The following ATRNL1 variants were observed in gnomAD, a reference collection of about 807,000 sequenced individuals.
ATRNL1 encodes attractin like 1.
A neutral mutation model predicts 182.7 loss-of-function variants in ATRNL1; 95 were observed. The observed-to-expected ratio is 0.52, with a 90% CI of 0.44 to 0.62. The LOEUF (loss-of-function observed/expected upper bound fraction) is 0.62, where lower values mean the gene tolerates loss of function less well. ATRNL1 is among the 20% of genes least tolerant of loss of function. The pLI, the probability that ATRNL1 is intolerant of heterozygous loss-of-function variation, is 0.00. For missense variants in ATRNL1, 1,471 were observed against 1,679.5 expected (o/e 0.88, Z 2.17); for synonymous variants, 576 against 568.3 (o/e 1.01, Z -0.19).
At chr10:115,337,876 A>G (rs782763976) in intron 19 of ATRNL1, among the ~76,000 whole-genome samples, 6 of 151,760 alleles carry the variant, frequency 4.0e-5, no homozygotes, top group African/African-American at 9.7e-5. Context: ...GTGGTGGGGT[A>G]TAGTTTGTGG....
At chr10:115,892,008 A>G (rs890812916) in intron 28 of ATRNL1, among the ~76,000 whole-genome samples, 4 of 152,314 alleles carry the variant, frequency 2.6e-5, no homozygotes, top group South Asian at 2.1e-4. Context: ...CAGCTTCATG[A>G]TATCTGTGAT....
At chr10:115,199,521 A>G (rs1554891810) in intron 8 of ATRNL1, among the ~76,000 whole-genome samples, 1 of 152,034 alleles carries the variant, frequency 6.6e-6, no homozygotes, top group African/African-American at 2.4e-5. Context: ...CTGAGATTGC[A>G]CCACTGCACT....
At chr10:115,126,379 T>A (rs1423210911) in intron 3 of ATRNL1, among the ~76,000 whole-genome samples, 1 of 152,168 alleles carries the variant, frequency 6.6e-6, no homozygotes, top group Non-Finnish European at 1.5e-5. Context: ...TTTTTATCTT[T>A]TTCAGAGAGC....
chr10:115,312,912 C>T (rs1301788189), intron 17 of ATRNL1, among the ~76,000 whole-genome samples: 9 of 152,004 alleles, frequency 5.9e-5, no homozygotes, highest in Non-Finnish European at 1.2e-4. Context: ...TTGTCTAAGA[C>T]AAAGTATTGT....
rs145862813 is a variant in ATRNL1 at position 115,760,734 on chromosome 10, TA to T, written c.3903+33380del. Among the ~76,000 whole-genome samples, 1,048 of 152,326 alleles carry T rather than the reference TA, an allele frequency of 6.9e-3. 15 individuals are homozygous for T. The highest frequency in any genetic ancestry group is 0.024 in the African/African-American group (988 of 41,576). ...TCAGATGACAGAAACAGATAGAAGATAGTGTCCAATATTTTTGTTCTACTTG... is the reference window on the plus strand; with the variant it reads ...TCAGATGACAGAAACAGATAGAAGATGTGTCCAATATTTTTGTTCTACTTG... On this transcript the variant is annotated intron_variant, in intron 27 of 28. Coordinates refer to ENST00000355044, the MANE Select transcript of ATRNL1 (RefSeq NM_207303.4).
intron 26 of ATRNL1, among the ~76,000 whole-genome samples, chr10:115,713,426 A>G (rs1947124066): frequency 1.2e-5 from 1 of 84,710 alleles, no homozygotes; most frequent in Non-Finnish European, 2.8e-5. Flanking sequence ...AAACAAAACA[A>G]GGAAGAGGGA....
chr10:115,512,572 T>C (rs12245250), intron 24 of ATRNL1, among the ~76,000 whole-genome samples: 2,099 of 151,784 alleles, frequency 0.014, 44 homozygotes, highest in African/African-American at 0.048. Flanking sequence ...ATTTATTCAG[T>C]AGTTTTATTG....
At chr10:115,393,787 A>G (rs1322602870) in intron 19 of ATRNL1, among the ~76,000 whole-genome samples, 1 of 152,126 alleles carries the variant, frequency 6.6e-6, no homozygotes, top group Admixed American at 6.6e-5. Flanking sequence ...AGAAATTAAA[A>G]TCTACCAATT....
chr10:115,101,715 A>G (rs1554864631), intron 1 of ATRNL1, among the ~76,000 whole-genome samples: 2 of 152,204 alleles, frequency 1.3e-5, no homozygotes, highest in African/African-American at 4.8e-5. Flanking sequence ...TCATATAATG[A>G]GCACCATGGG....
chr10:115,127,667 T>TAA lies in ATRNL1; in HGVS notation c.567_568insAA (p.His190AsnfsTer11). On this transcript the variant is annotated frameshift_variant, in exon 4 of 29. Transcript: ENST00000355044. LOFTEE classifies it high-confidence loss of function. The stretch of plus-strand genomic sequence containing the variant: ...GTTACTACATCTGGCTATGCACTGT[T>TAA]ACATTTTTTTAGTGATGCTGCGTAT... 1 of 1,580,808 alleles carries TAA rather than the reference T, an allele frequency of 6.3e-7. No individual in the cohort carries two copies. The highest frequency in any genetic ancestry group is 8.6e-7 in the Non-Finnish European group (1 of 1,167,930).
intron 24 of ATRNL1, among the ~76,000 whole-genome samples, chr10:115,515,192 CT>C (rs782127264): frequency 1.3e-5 from 2 of 151,764 alleles, no homozygotes; most frequent in Non-Finnish European, 2.9e-5. Context: ...TTGATTCCCT[CT>C]TTTTCCTGCC....
rs61386440 is a variant in ATRNL1 at position 115,717,548 on chromosome 10, C to CTTTTTTT, written c.3796-9685_3796-9679dup. ...TGATTTTCCCGCTGCCTGAAATGTT[C>CTTTTTTT]TTTTTTTTTTTTTTTTTTTTTGAGA... On this transcript the variant is annotated intron_variant, in intron 26 of 28. Coordinates refer to ENST00000355044, the MANE Select transcript of ATRNL1 (RefSeq NM_207303.4). Among the ~76,000 whole-genome samples the CTTTTTTT allele has an allele frequency of 3.3e-4, 28 of 84,360 alleles. 1 individual carries two copies. Among genetic ancestry groups the CTTTTTTT allele is most frequent in the South Asian group, 1.6e-3 (3 of 1,908 alleles). The allele number at this position is 84,360 out of a possible 152,430, so 55.3% of individuals were successfully genotyped here.
At chr10:115,829,081 A>G (rs1474902259) in intron 27 of ATRNL1, among the ~76,000 whole-genome samples, 1 of 152,046 alleles carries the variant, frequency 6.6e-6, no homozygotes, top group Non-Finnish European at 1.5e-5. Context: ...ATTTCCCTCC[A>G]TAAATATCAC....
chr10:115,617,255 G>A (rs1857481931), intron 26 of ATRNL1, among the ~76,000 whole-genome samples: 2 of 152,172 alleles, frequency 1.3e-5, no homozygotes, highest in East Asian at 1.9e-4. Context: ...CTTGCATGGG[G>A]CCTGTAACCA....
intron 27 of ATRNL1, among the ~76,000 whole-genome samples, chr10:115,767,024 G>A (rs2134158207): frequency 6.6e-6 from 1 of 152,256 alleles, no homozygotes; most frequent in South Asian, 2.1e-4. Flanking sequence ...AGACTGCAAA[G>A]CCTTTCACAA....
At chr10:115,257,827 T>C (rs999931882) in intron 10 of ATRNL1, among the ~76,000 whole-genome samples, 19 of 152,214 alleles carry the variant, frequency 1.2e-4, no homozygotes, top group African/African-American at 4.1e-4. Flanking sequence ...TCTCAGCATT[T>C]GCTTGTCTGT....
At position 115,850,041 on chromosome 10, in the gene ATRNL1, T is replaced by G. The variant is rs146312213; in HGVS notation, c.4018+2050T>G. On this transcript the variant is annotated intron_variant, in intron 28 of 28. Coordinates refer to ENST00000355044, the MANE Select transcript of ATRNL1 (RefSeq NM_207303.4). ...TTCAGAATGAGCTTGTTCTTTGTTTTCTAAAAACAATCTAGTAGATTTTTC... is the reference window on the plus strand; with the variant it reads ...TTCAGAATGAGCTTGTTCTTTGTTTGCTAAAAACAATCTAGTAGATTTTTC... Among the ~76,000 whole-genome samples the G allele has an allele frequency of 3.5e-3, 537 of 152,296 alleles. 3 individuals carry two copies. Among genetic ancestry groups the G allele is most frequent in the African/African-American group, 0.012 (514 of 41,564 alleles).
intron 26 of ATRNL1, among the ~76,000 whole-genome samples, chr10:115,652,444 C>T (rs1256352040): frequency 1.3e-5 from 2 of 152,018 alleles, no homozygotes; most frequent in African/African-American, 2.4e-5. Context: ...CATTTTATCC[C>T]TAACATATTA....
intron 27 of ATRNL1, among the ~76,000 whole-genome samples, chr10:115,787,815 T>C (rs1432387842): frequency 1.3e-5 from 2 of 152,186 alleles, no homozygotes; most frequent in African/African-American, 4.8e-5. Flanking sequence ...GATGGGAGAT[T>C]ACACTGGATT....
Sources: gnomAD v4.1 joint callset for allele counts (sites outside exome capture counted in the v4.1 genomes callset) on GRCh38, gnomAD v4.1.1 for gene constraint, MANE v1.5 for transcripts, NCBI Gene and HGNC (gene_info 2026-07-23, HGNC 2026-07-21) for gene names.